EPC2: variants seen among roughly 807,000 people sequenced by gnomAD.
EPC2 encodes enhancer of polycomb 2.
In EPC2, 14 loss-of-function variants were observed where a neutral mutation model predicts 92.1. That is an observed-to-expected ratio of 0.15 (90% CI 0.10 to 0.24). EPC2 has a LOEUF of 0.24. Among genes scored for constraint, EPC2 ranks in the 10% least tolerant of loss-of-function variants. The pLI is 1.00. For synonymous variants in EPC2, 340 were observed against 334.7 expected, an observed-to-expected ratio of 1.02 and a Z score of -0.17; for missense variants, 755 against 971.5, an observed-to-expected ratio of 0.78 and a Z score of 2.96.
chr2:148,714,018 G>T (rs1682209539), intron 2 of EPC2, among the ~76,000 whole-genome samples: 2 of 151,964 alleles, frequency 1.3e-5, no homozygotes, highest in African/African-American at 2.4e-5. Context: ...ATTAAGCCCA[G>T]AATCCATTAG....
chr2:148,660,882 T>A (rs1680918391), intron 1 of EPC2, among the ~76,000 whole-genome samples: 1 of 150,586 alleles, frequency 6.6e-6, no homozygotes, highest in Admixed American at 6.6e-5. Flanking sequence ...TCCTTCAGAA[T>A]TTTTTTTGTG....
intron 1 of EPC2, among the ~76,000 whole-genome samples, chr2:148,672,828 C>G (rs1352110305): frequency 6.6e-6 from 1 of 152,094 alleles, no homozygotes; most frequent in South Asian, 2.1e-4. Flanking sequence ...TGTCTAGCAT[C>G]CTTTTGTTTC....
intron 13 of EPC2, among the ~76,000 whole-genome samples, chr2:148,786,075 T>C (rs761437284): frequency 6.6e-6 from 1 of 152,228 alleles, no homozygotes; most frequent in Non-Finnish European, 1.5e-5. Context: ...TGTTAAATTA[T>C]TATCTTTCCT....
At chr2:148,739,630 C>A (rs191326943) in intron 2 of EPC2, among the ~76,000 whole-genome samples, 2 of 152,204 alleles carry the variant, frequency 1.3e-5, no homozygotes, top group Admixed American at 1.3e-4. Flanking sequence ...GTTATACCCA[C>A]TTCCTTACCT....
intron 1 of EPC2, among the ~76,000 whole-genome samples, chr2:148,663,377 CCTGA>C (rs1362313977): frequency 6.6e-6 from 1 of 151,008 alleles, no homozygotes; most frequent in Non-Finnish European, 1.5e-5. Context: ...TGCCACCACA[CCTGA>C]CTAATTTTTT....
intron 2 of EPC2, among the ~76,000 whole-genome samples, chr2:148,706,216 A>G (rs1331478408): frequency 6.6e-6 from 1 of 152,240 alleles, no homozygotes; most frequent in African/African-American, 2.4e-5. Flanking sequence ...CATAAGCTTC[A>G]GTAGCCGATT....
chr2:148,777,083 C>CCAA (rs1237071527), intron 10 of EPC2, among the ~76,000 whole-genome samples: 1 of 151,756 alleles, frequency 6.6e-6, no homozygotes, highest in Non-Finnish European at 1.5e-5. Context: ...TAGTCTTGAA[C>CCAA]CCCTGACCTC....
intron 2 of EPC2, among the ~76,000 whole-genome samples, chr2:148,725,982 C>G (rs190294218): frequency 7.9e-5 from 12 of 152,132 alleles, no homozygotes; most frequent in Non-Finnish European, 1.2e-4. Context: ...CCTCCAGCCG[C>G]TGGCAACCAC....
At chr2:148,754,346 C>G (rs1298994881) in intron 4 of EPC2, among the ~76,000 whole-genome samples, 1 of 152,158 alleles carries the variant, frequency 6.6e-6, no homozygotes, top group Non-Finnish European at 1.5e-5. Flanking sequence ...TCAGTAGCTT[C>G]TATTGGCCAG....
chr2:148,688,991 A>T (rs141120169), intron 1 of EPC2, among the ~76,000 whole-genome samples: 1 of 151,982 alleles, frequency 6.6e-6, no homozygotes, highest in Admixed American at 6.6e-5. Context: ...GAGGAGGAGT[A>T]CTCTTTTAGA....
chr2:148,767,138 C>T (rs534827414), intron 7 of EPC2, among the ~76,000 whole-genome samples: 1 of 150,070 alleles, frequency 6.7e-6, no homozygotes, highest in Non-Finnish European at 1.5e-5. Context: ...ATGAAGGTTG[C>T]TGTGAGCCAA....
At chr2:148,730,198 G>C (rs569705688) in intron 2 of EPC2, among the ~76,000 whole-genome samples, 1 of 152,292 alleles carries the variant, frequency 6.6e-6, no homozygotes, top group South Asian at 2.1e-4. Flanking sequence ...AACATGAAGA[G>C]TCCTAGGTAT....
At chr2:148,710,240 A>G (rs540192661) in intron 2 of EPC2, among the ~76,000 whole-genome samples, 1 of 152,380 alleles carries the variant, frequency 6.6e-6, no homozygotes, top group South Asian at 2.1e-4. Context: ...CAACAGACAC[A>G]TGAGAAAATG....
chr2:148,770,773 G>GT lies in EPC2; in HGVS notation c.1231-13dup. 8.8e-6 allele frequency: 14 copies of GT among 1,582,284 alleles called. No homozygotes were observed. Among genetic ancestry groups the GT allele is most frequent in the Non-Finnish European group, 1.1e-5 (13 of 1,169,916 alleles). On this transcript the variant is annotated intron_variant, in intron 8 of 13. Transcript: ENST00000258484. ...TTACTCCATGAGTTTTTTGTTTTTT[G>GT]TTTTTTCTTTCTTTGCAGCCTCGTT...
At position 148,787,086 on chromosome 2, in the gene EPC2, T is replaced by C. The variant is rs953253191; in HGVS notation, c.*709T>C. 3 of 151,190 alleles carry C rather than the reference T, an allele frequency of 2.0e-5. No homozygotes were observed. The highest frequency in any genetic ancestry group is 4.8e-5 in the African/African-American group (2 of 41,262). 9.4% of individuals were successfully genotyped at this position (151,190 alleles called of 1,614,324 possible). A position where few individuals can be genotyped will look rare whatever the true frequency, so the allele number is the denominator to read the frequency against. ...ATAAAAAATAATTACACAGAAAAAA[T>C]GGAATAGGAAAAATTATGCATCTAG... is the stretch of plus-strand genomic sequence containing the variant. On this transcript the variant is annotated 3_prime_UTR_variant, in exon 14 of 14. Coordinates refer to ENST00000258484, the MANE Select transcript of EPC2 (RefSeq NM_015630.4).
At chr2:148,732,357 G>T (rs1423548797) in intron 2 of EPC2, among the ~76,000 whole-genome samples, 6 of 150,972 alleles carry the variant, frequency 4.0e-5, no homozygotes, top group Non-Finnish European at 7.4e-5. Context: ...CCACAAGTCA[G>T]TGATTCCATT....
rs555840949 is a variant in EPC2, at chr2:148,676,740, T to C, written c.154-13474T>C. 6.6e-5 allele frequency among the ~76,000 whole-genome samples: 10 copies of C among 151,932 alleles called. No individual in the cohort carries two copies. In the East Asian group the frequency reaches 1.2e-3, roughly 18 times the overall value. ...TTCAGTCTTATGTGTAATAGTGTAA[T>C]TTACATAAGTAATTCCCTGTTTATT... On this transcript the variant is annotated intron_variant, in intron 1 of 13. Transcript: ENST00000258484.
chr2:148,646,576 G>C (rs948743507), intron 1 of EPC2, among the ~76,000 whole-genome samples: 2 of 140,224 alleles, frequency 1.4e-5, no homozygotes, highest in African/African-American at 5.3e-5. Flanking sequence ...AGAGCTGTGA[G>C]AACTTTTTTT....
intron 1 of EPC2, among the ~76,000 whole-genome samples, chr2:148,677,713 C>T (rs926140361): frequency 2.0e-4 from 31 of 152,084 alleles, no homozygotes; most frequent in African/African-American, 4.8e-4. Context: ...CAGATGTGTT[C>T]GGAGTTTCTT....
Sources: allele counts gnomAD v4.1 joint callset (sites outside exome capture counted in the v4.1 genomes callset), GRCh38; gene constraint gnomAD v4.1.1; transcripts MANE v1.5; gene names NCBI Gene and HGNC (gene_info 2026-07-23, HGNC 2026-07-21).